Variants in GUCY1A2 observed in about 807,000 individuals in gnomAD.
The protein encoded by GUCY1A2 is guanylate cyclase 1 soluble subunit alpha 2.
Under a neutral mutation model 63.5 loss-of-function variants are expected in GUCY1A2, and 27 were observed. That is an observed-to-expected ratio of 0.43 (90% CI 0.31 to 0.59). The LOEUF (loss-of-function observed/expected upper bound fraction) is 0.59. Ranked by LOEUF, GUCY1A2 falls within the 20% of genes least tolerant of loss-of-function variation. The pLI is 0.11. For synonymous variants in GUCY1A2, 364 were observed against 343.5 expected (o/e 1.06, Z -0.66); for missense variants, 768 against 913.3 (o/e 0.84, Z 2.05).
At chr11:106,987,171 T>G (rs1406753476) in intron 1 of GUCY1A2, among the ~76,000 whole-genome samples, 1 of 152,172 alleles carries the variant, frequency 6.6e-6, no homozygotes, top group African/African-American at 2.4e-5. Flanking sequence ...AAGGATGAAT[T>G]CTTGGGGAAT....
intron 6 of GUCY1A2, among the ~76,000 whole-genome samples, chr11:106,740,723 G>T (rs1464676743): frequency 6.6e-6 from 1 of 151,168 alleles, no homozygotes; most frequent in Non-Finnish European, 1.5e-5. Flanking sequence ...ACCCAGGCTG[G>T]AGTGCAATGG....
chr11:106,950,260 C>CA (rs1375141870), intron 3 of GUCY1A2, among the ~76,000 whole-genome samples: 4 of 152,200 alleles, frequency 2.6e-5, no homozygotes, highest in Non-Finnish European at 5.9e-5. Flanking sequence ...TGGCAGGTGA[C>CA]AAAGGGCTCA....
chr11:106,962,781 T>C (rs1178892657), intron 3 of GUCY1A2, among the ~76,000 whole-genome samples: 1 of 148,638 alleles, frequency 6.7e-6, no homozygotes, highest in Non-Finnish European at 1.5e-5. Context: ...TATATTTATA[T>C]ATATATATAA....
chr11:106,687,477 T>C lies in GUCY1A2; in HGVS notation c.*72A>G, dbSNP rs1366687322. The C allele has an allele frequency of 9.2e-7, 1 of 1,091,890 alleles. No individual in the cohort carries two copies. Among genetic ancestry groups the C allele is most frequent in the East Asian group, 2.4e-5 (1 of 42,458 alleles). The allele number at this position is 1,091,890 out of a possible 1,614,324, so 67.6% of individuals were successfully genotyped here. On this transcript the variant is annotated 3_prime_UTR_variant, in exon 8 of 8. Transcript: ENST00000526355. Reference sequence around the variant, plus strand: ...AAAGCAATGAAAGAGACACAATCTCTTTCCACCCCCCATTGGTGACCCATG... The same window carrying C: ...AAAGCAATGAAAGAGACACAATCTCCTTCCACCCCCCATTGGTGACCCATG...
intron 4 of GUCY1A2, chr11:106,827,896 C>CG (rs1384258211): frequency 2.9e-5 from 44 of 1,519,836 alleles, no homozygotes; most frequent in Non-Finnish European, 3.7e-5. Flanking sequence ...TTCATGCTGC[C>CG]GGACTCCCAG....
intron 6 of GUCY1A2, among the ~76,000 whole-genome samples, chr11:106,748,850 A>G (rs1863835610): frequency 6.6e-6 from 1 of 152,110 alleles, no homozygotes. Flanking sequence ...AATTAAATAG[A>G]ACAGAATAAC....
At chr11:106,820,191 T>C (rs1013017354) in intron 4 of GUCY1A2, among the ~76,000 whole-genome samples, 11 of 152,222 alleles carry the variant, frequency 7.2e-5, no homozygotes, top group African/African-American at 2.6e-4. Context: ...AAACCAACTT[T>C]CCCCCATAGG....
Position 106,904,065 on chromosome 11 carries a change from G to C in GUCY1A2, c.1206+35395C>G, listed in dbSNP as rs1178530629. On this transcript the variant is annotated intron_variant, in intron 4 of 7. Transcript: ENST00000526355. Reference sequence around the variant, plus strand: ...CATAGCTATCATAGTCTAACCTAAAGTTATTTATAAGTAACCAAATTTATT... The same window carrying C: ...CATAGCTATCATAGTCTAACCTAAACTTATTTATAAGTAACCAAATTTATT... Among the ~76,000 whole-genome samples the C allele has an allele frequency of 2.0e-5, 3 of 152,084 alleles. 1 individual carries two copies. The highest frequency in any genetic ancestry group is 2.0e-4 in the Admixed American group (3 of 15,250).
At chr11:106,756,510 C>T (rs1020379184) in intron 6 of GUCY1A2, among the ~76,000 whole-genome samples, 1 of 152,118 alleles carries the variant, frequency 6.6e-6, no homozygotes, top group Non-Finnish European at 1.5e-5. Context: ...ATGTTTAGTG[C>T]TTCCTTCAGG....
chr11:107,017,231 T>C (rs945016506), intron 1 of GUCY1A2, among the ~76,000 whole-genome samples: 36 of 152,022 alleles, frequency 2.4e-4, no homozygotes, highest in African/African-American at 8.7e-4. Context: ...GGATGCAACA[T>C]AGAATGCAGA....
intron 4 of GUCY1A2, among the ~76,000 whole-genome samples, chr11:106,838,247 C>A (rs544913377): frequency 1.3e-5 from 2 of 151,948 alleles, no homozygotes; most frequent in Non-Finnish European, 2.9e-5. Context: ...GCCTTACCCC[C>A]TTTCTAAACT....
At chr11:107,006,423 G>T (rs1861671914) in intron 1 of GUCY1A2, among the ~76,000 whole-genome samples, 1 of 152,190 alleles carries the variant, frequency 6.6e-6, no homozygotes, top group Admixed American at 6.5e-5. Context: ...AGCATCTATT[G>T]AGTTGCAGGA....
chr11:106,794,490 T>C (rs1234675659), intron 5 of GUCY1A2, among the ~76,000 whole-genome samples: 1 of 90,532 alleles, frequency 1.1e-5, no homozygotes, highest in Admixed American at 1.5e-4. Flanking sequence ...ATATTAAATG[T>C]CCTCACTACA....
intron 2 of GUCY1A2, among the ~76,000 whole-genome samples, chr11:106,980,947 T>C (rs1346051433): frequency 6.6e-6 from 1 of 152,178 alleles, no homozygotes; most frequent in Non-Finnish European, 1.5e-5. Flanking sequence ...TACTTTTTTC[T>C]CTCAACCTCA....
intron 7 of GUCY1A2, among the ~76,000 whole-genome samples, chr11:106,693,932 T>C (rs949379531): frequency 4.6e-5 from 7 of 152,176 alleles, no homozygotes; most frequent in Non-Finnish European, 1.0e-4. Context: ...TTTTTTGTTT[T>C]GGTCTCTTTT....
chr11:106,786,977 T>C (rs2135409562), intron 5 of GUCY1A2, among the ~76,000 whole-genome samples: 1 of 152,290 alleles, frequency 6.6e-6, no homozygotes, highest in East Asian at 1.9e-4. Flanking sequence ...TCTGCTATAT[T>C]TTGAATAAAC....
intron 4 of GUCY1A2, among the ~76,000 whole-genome samples, chr11:106,929,964 T>A (rs1372348184): frequency 6.6e-6 from 1 of 152,190 alleles, no homozygotes; most frequent in Admixed American, 6.5e-5. Flanking sequence ...TAGATACAGA[T>A]AAATACTAAT....
intron 4 of GUCY1A2, among the ~76,000 whole-genome samples, chr11:106,866,429 T>C (rs759995000): frequency 2.3e-4 from 35 of 152,074 alleles, no homozygotes; most frequent in Admixed American, 6.6e-5. Context: ...TGGACGTCGC[T>C]GCTGCTATTC....
At chr11:106,757,836 C>A (rs1864000428) in intron 6 of GUCY1A2, among the ~76,000 whole-genome samples, 1 of 152,174 alleles carries the variant, frequency 6.6e-6, no homozygotes, top group Non-Finnish European at 1.5e-5. Context: ...GGGTCATGGA[C>A]CCACTTGAGG....
Sources: gnomAD v4.1 joint callset for allele counts (sites outside exome capture counted in the v4.1 genomes callset) on GRCh38, gnomAD v4.1.1 for gene constraint, MANE v1.5 for transcripts, NCBI Gene and HGNC (gene_info 2026-07-23, HGNC 2026-07-21) for gene names.